The following DLGAP4 variants were observed in gnomAD, a reference collection of about 807,000 sequenced individuals.
DLGAP4 encodes DLG associated protein 4.
DLGAP4 carries 18 observed loss-of-function variants against 86.9 expected under a neutral mutation model. The ratio of observed to expected loss-of-function variants is 0.21; its 90% CI spans 0.14 to 0.31. The LOEUF is 0.31. Ranked by LOEUF, DLGAP4 falls within the 10% of genes least tolerant of loss-of-function variation. The pLI is 1.00. For synonymous variants in DLGAP4, 548 were observed against 574.3 expected (o/e 0.95, Z 0.65); for missense variants, 1,085 against 1,362.6 (o/e 0.80, Z 3.21).
In DLGAP4 at chr20:36,432,410, C is replaced by T; in HGVS notation, c.693C>T (p.Gly231=). 1 of 1,613,740 alleles carries T rather than the reference C, an allele frequency of 6.2e-7. No individual in the cohort carries two copies. Among genetic ancestry groups the T allele is most frequent in the Non-Finnish European group, 8.5e-7 (1 of 1,180,048 alleles). ...SGPASGLMTL[G]RQAERSQPRY... is the part of the protein sequence containing the mutation. Reference sequence around the variant, plus strand: ...CAGCCTCTGGGCTGATGACACTAGGCCGCCAGGCAGAACGCAGCCAGCCAC... The same window carrying T: ...CAGCCTCTGGGCTGATGACACTAGGTCGCCAGGCAGAACGCAGCCAGCCAC... The change falls in exon 3 of 13, where the codon GGC becomes GGT. Residue 231 remains glycine, a synonymous_variant. Coordinates refer to ENST00000339266, the MANE Select transcript of DLGAP4 (RefSeq NM_001365621.2). The surrounding 1 kb of genome is among the most constrained non-coding windows in gnomAD (Gnocchi z 6.5).
intron 8 of DLGAP4, chr20:36,498,705 C>G (rs2035990866): frequency 6.5e-6 from 1 of 152,810 alleles, no homozygotes; most frequent in Non-Finnish European, 1.5e-5. Context: ...ACTGAAGAGT[C>G]CCCAGTTTCT....
intron 1 of DLGAP4, among the ~76,000 whole-genome samples, chr20:36,322,325 G>A (rs531855447): frequency 6.6e-6 from 1 of 152,218 alleles, no homozygotes; most frequent in South Asian, 2.1e-4. Flanking sequence ...AAGCACTAGA[G>A]GATGGCGGGG....
At chr20:36,455,782 C>T (rs1397763084) in intron 7 of DLGAP4, among the ~76,000 whole-genome samples, 2 of 152,110 alleles carry the variant, frequency 1.3e-5, no homozygotes, top group Admixed American at 6.5e-5. Flanking sequence ...AACCTCCCCC[C>T]GGCACCACAC....
chr20:36,494,608 TGTGTGTGTTA>T (rs776607438), intron 7 of DLGAP4, among the ~76,000 whole-genome samples: 5 of 152,206 alleles, frequency 3.3e-5, no homozygotes, highest in Non-Finnish European at 5.9e-5. Context: ...GTTCCACTTG[TGTGTGTGTTA>T]GTGCTATGCA....
At chr20:36,493,910 C>G (rs139806811) in intron 7 of DLGAP4, among the ~76,000 whole-genome samples, 5 of 152,200 alleles carry the variant, frequency 3.3e-5, no homozygotes, top group Admixed American at 2.0e-4. Flanking sequence ...GCTTTTGGCC[C>G]GCAGCCTGTG....
intron 7 of DLGAP4, chr20:36,461,620 G>T (rs2034056995): frequency 2.2e-6 from 2 of 926,760 alleles, no homozygotes; most frequent in African/African-American, 3.8e-5. Context: ...GCCCAGCGCC[G>T]CCCGGAGCAG....
intron 7 of DLGAP4, among the ~76,000 whole-genome samples, chr20:36,448,008 G>C (rs977288456): frequency 2.0e-5 from 3 of 147,300 alleles, no homozygotes; most frequent in Non-Finnish European, 4.5e-5. Context: ...CCACCGTGGC[G>C]CATGTATACC....
At chr20:36,381,207 G>T (rs2147444608) in intron 2 of DLGAP4, among the ~76,000 whole-genome samples, 1 of 152,192 alleles carries the variant, frequency 6.6e-6, no homozygotes, top group Admixed American at 6.5e-5. Flanking sequence ...ATTGTGTTTT[G>T]GGCACTGAAC....
Position 36,306,438 on chromosome 20 carries a change from G to C in DLGAP4, c.-378G>C, listed in dbSNP as rs1239163437. Reference sequence around the variant, plus strand: ...CCGGGGCCTAGGCGCGCGGACCTGCGAGCGGACCCGAGAGGCGGCGGCGGC... The same window carrying C: ...CCGGGGCCTAGGCGCGCGGACCTGCCAGCGGACCCGAGAGGCGGCGGCGGC... On this transcript the variant is annotated 5_prime_UTR_variant, in exon 1 of 13. Coordinates refer to ENST00000339266, the MANE Select transcript of DLGAP4 (RefSeq NM_001365621.2). This position sits in a 1 kb window ranked among gnomAD's most constrained non-coding sequence, Gnocchi z 4.9. The C allele has an allele frequency of 6.7e-6, 1 of 149,686 alleles. No individual in the cohort carries two copies. The highest frequency in any genetic ancestry group is 1.5e-5 in the Non-Finnish European group (1 of 66,892). 9.3% of individuals were successfully genotyped at this position (149,686 alleles called of 1,614,324 possible).
chr20:36,476,860 ATTTTGTGTTTTT>A (rs1211828369), intron 7 of DLGAP4, among the ~76,000 whole-genome samples: 4 of 151,026 alleles, frequency 2.6e-5, no homozygotes, highest in African/African-American at 9.7e-5. Flanking sequence ...TACCCGGCTA[ATTTTGTGTTTTT>A]AATAGAGACT....
chr20:36,398,951 G>A (rs999726988), intron 2 of DLGAP4, among the ~76,000 whole-genome samples: 1 of 152,222 alleles, frequency 6.6e-6, no homozygotes, highest in Non-Finnish European at 1.5e-5. Flanking sequence ...CCAGCACTTT[G>A]GGAGGCTGAG....
Position 36,330,848 on chromosome 20 carries a change from C to G in DLGAP4, c.-304+24336C>G, listed in dbSNP as rs1037219676. Among the ~76,000 whole-genome samples, 5 of 152,354 alleles carry G rather than the reference C, an allele frequency of 3.3e-5. No homozygotes were observed. In the East Asian group the frequency reaches 9.6e-4, roughly 29 times the overall value. ...TCAGCCTCCCAAAGTGCTGGGATTA[C>G]AGGCGTGAGCCGCCACGCCCGGCCG... On this transcript the variant is annotated intron_variant, in intron 1 of 12. Coordinates refer to ENST00000339266, the MANE Select transcript of DLGAP4 (RefSeq NM_001365621.2).
intron 2 of DLGAP4, among the ~76,000 whole-genome samples, chr20:36,385,636 G>T (rs113287844): frequency 3.3e-5 from 5 of 152,218 alleles, no homozygotes; most frequent in African/African-American, 4.8e-5. Flanking sequence ...GCATCCTTGT[G>T]GGGGGTCAGT....
intron 2 of DLGAP4, among the ~76,000 whole-genome samples, chr20:36,405,921 A>G (rs985752925): frequency 1.3e-5 from 2 of 152,220 alleles, no homozygotes; most frequent in South Asian, 2.1e-4. Flanking sequence ...GGGTGCAGCG[A>G]TGCTTCTTCA....
At position 36,513,577 on chromosome 20, in the gene DLGAP4, AAAG is replaced by A. The variant is rs2036858961; in HGVS notation, c.2513-10670_2513-10668del. ...CTCAAAAAAAAAAAAAAAAAAAAAA[AAAG>A]AATTAATCTGGCTTCTCTATCCAAA... is the stretch of plus-strand genomic sequence containing the variant. On this transcript the variant is annotated intron_variant, in intron 10 of 12. Transcript: ENST00000339266. Among the ~76,000 whole-genome samples the A allele has an allele frequency of 4.0e-5, 6 of 151,318 alleles. No individual in the cohort carries two copies. In the South Asian group the frequency reaches 1.2e-3, roughly 31 times the overall value.
At chr20:36,341,854 C>T (rs1569463434) in intron 1 of DLGAP4, among the ~76,000 whole-genome samples, 1 of 152,226 alleles carries the variant, frequency 6.6e-6, no homozygotes, top group Non-Finnish European at 1.5e-5. Context: ...GCTGCTGGGG[C>T]GCCGTCCCCA....
intron 7 of DLGAP4, among the ~76,000 whole-genome samples, chr20:36,488,958 A>T (rs553622219): frequency 3.9e-5 from 6 of 152,236 alleles, no homozygotes; most frequent in Admixed American, 1.3e-4. Flanking sequence ...GATGAAGCGT[A>T]CCTAACACTT....
intron 7 of DLGAP4, among the ~76,000 whole-genome samples, chr20:36,489,972 C>T (rs756701112): frequency 2.7e-5 from 4 of 150,440 alleles, no homozygotes; most frequent in South Asian, 4.2e-4. Flanking sequence ...AATTCTCTTG[C>T]CTCAGCCTCC....
At chr20:36,321,577 G>A (rs77705989) in intron 1 of DLGAP4, among the ~76,000 whole-genome samples, 4 of 152,256 alleles carry the variant, frequency 2.6e-5, no homozygotes, top group Non-Finnish European at 5.9e-5. Flanking sequence ...TGAGGCGCTC[G>A]CCCGCCTCAG....
Sources: gnomAD v4.1 joint callset for allele counts (sites outside exome capture counted in the v4.1 genomes callset) on GRCh38, gnomAD v4.1.1 for gene constraint, Gnocchi (gnomAD v3.1) non-coding constraint, MANE v1.5 for transcripts, NCBI Gene and HGNC (gene_info 2026-07-23, HGNC 2026-07-21) for gene names.